CASQ2: variants seen among roughly 807,000 people sequenced by gnomAD.
CASQ2 encodes calsequestrin-2.
Under a neutral mutation model 46.5 loss-of-function variants are expected in CASQ2, and 49 were observed. The ratio of observed to expected loss-of-function variants is 1.05; its 90% CI spans 0.84 to 1.34. The LOEUF (loss-of-function observed/expected upper bound fraction) is 1.34. Among genes scored for constraint, CASQ2 ranks in the 40% most tolerant of loss-of-function variants. CASQ2 has a pLI of 0.00. For missense variants in CASQ2, 486 were observed against 481.3 expected (o/e 1.01, Z -0.09); for synonymous variants, 174 against 168.5 (o/e 1.03, Z -0.25).
intron 4 of CASQ2, among the ~76,000 whole-genome samples, chr1:115,735,055 A>G (rs1647911296): frequency 6.6e-6 from 1 of 152,264 alleles, no homozygotes; most frequent in Non-Finnish European, 1.5e-5. Context: ...GTCCAAGTTC[A>G]TGTACTGATA....
At chr1:115,706,279 G>A (rs894407772) in intron 8 of CASQ2, among the ~76,000 whole-genome samples, 4 of 152,134 alleles carry the variant, frequency 2.6e-5, no homozygotes, top group Non-Finnish European at 4.4e-5. Context: ...TTGTTTCAGG[G>A]AATCCCAGAG....
intron 1 of CASQ2, among the ~76,000 whole-genome samples, chr1:115,746,719 A>T (rs1458946336): frequency 6.6e-6 from 1 of 152,110 alleles, no homozygotes; most frequent in Admixed American, 6.5e-5. Flanking sequence ...TTTAAATACC[A>T]GTCCTTTTTC....
At chr1:115,743,628 G>C (rs932419222) in intron 2 of CASQ2, among the ~76,000 whole-genome samples, 1 of 151,134 alleles carries the variant, frequency 6.6e-6, no homozygotes, top group Non-Finnish European at 1.5e-5. Context: ...ACAGTTGTCT[G>C]TAATTTTCCA....
intron 1 of CASQ2, among the ~76,000 whole-genome samples, chr1:115,745,915 T>C (rs1442032155): frequency 6.6e-6 from 1 of 152,198 alleles, no homozygotes; most frequent in Non-Finnish European, 1.5e-5. Flanking sequence ...ACAGTTAAGA[T>C]ACAGAACATT....
rs1320489929 is a variant in CASQ2 at position 115,738,449 on chromosome 1, A to C, written c.421-114T>G. 6.5e-6 allele frequency: 5 copies of C among 770,302 alleles called. No individual in the cohort carries two copies. In the East Asian group the frequency reaches 9.8e-5, roughly 15 times the overall value. 47.7% of individuals were successfully genotyped at this position (770,302 alleles called of 1,614,324 possible). Reference sequence around the variant, plus strand: ...GCGGACTTTGTGGTTGGTGCCTCAAATATCTATTCCATTCTCCCCACAATC... The same window carrying C: ...GCGGACTTTGTGGTTGGTGCCTCAACTATCTATTCCATTCTCCCCACAATC... On this transcript the variant is annotated intron_variant, in intron 3 of 10. Transcript: ENST00000261448.
chr1:115,731,657 T>C (rs973066970), intron 5 of CASQ2, among the ~76,000 whole-genome samples: 4 of 152,250 alleles, frequency 2.6e-5, no homozygotes, highest in African/African-American at 9.6e-5. Flanking sequence ...GGACAGAGCA[T>C]TGACTTTGAA....
rs184083595 is a variant in CASQ2 at position 115,732,801 on chromosome 1, T to C, written c.606+100A>G. The C allele has an allele frequency of 4.3e-5, 35 of 822,614 alleles. No homozygotes were observed. In the African/African-American group the frequency reaches 5.8e-4, roughly 14 times the overall value. The allele number at this position is 822,614 out of a possible 1,614,324, so 51.0% of individuals were successfully genotyped here. ...TTCTAGAGAAAGAGGCAAGGGAGGA[T>C]GGTTAATGTTGCTAAAAGAAAAGAA... On this transcript the variant is annotated intron_variant, in intron 5 of 10. Coordinates refer to ENST00000261448, the MANE Select transcript of CASQ2 (RefSeq NM_001232.4).
In CASQ2 at chr1:115,743,875, G is replaced by T. The variant is rs145128079; in HGVS notation, c.319+953C>A. On this transcript the variant is annotated intron_variant, in intron 2 of 10. Transcript: ENST00000261448. The stretch of plus-strand genomic sequence containing the variant: ...GAGCGGGCCGGGAGCTATGGCTCAC[G>T]CCTGTAATCCCACCATTTTGGGAGG... Among the ~76,000 whole-genome samples the T allele has an allele frequency of 7.0e-3, 1,063 of 151,966 alleles. 7 individuals are homozygous for T. Among genetic ancestry groups the T allele is most frequent in the Non-Finnish European group, 0.012 (804 of 67,976 alleles).
Position 115,700,437 on chromosome 1 carries a change from C to G in CASQ2, c.*804G>C, listed in dbSNP as rs958695767. The G allele has an allele frequency of 6.5e-6, 1 of 152,800 alleles. No homozygotes were observed. The highest frequency in any genetic ancestry group is 6.5e-5 in the Admixed American group (1 of 15,330). 9.5% of individuals were successfully genotyped at this position (152,800 alleles called of 1,614,324 possible). ...CAGCTGACCCAATCAGAGACATGAA[C>G]CCATCAGAAAAATGTAAAAGTTTTC... On this transcript the variant is annotated 3_prime_UTR_variant, in exon 11 of 11. Coordinates refer to ENST00000261448, the MANE Select transcript of CASQ2 (RefSeq NM_001232.4).
At chr1:115,726,947 TCCCCAGACCCCAGGCCCCCA>T in intron 6 of CASQ2, 25 bp downstream of exon 6, 17 of 1,036,462 alleles carry the variant, frequency 1.6e-5, no homozygotes, top group Middle Eastern at 3.2e-4. Flanking sequence ...TCCTCTCCAT[TCCCCAGACCCCAGGCCCCCA>T]GCCCCCACAT....
intron 8 of CASQ2, among the ~76,000 whole-genome samples, chr1:115,716,611 T>G (rs1294580186): frequency 6.6e-6 from 1 of 152,180 alleles, no homozygotes; most frequent in Non-Finnish European, 1.5e-5. Context: ...CAGTGCCCAG[T>G]GTACCTTTCT....
chr1:115,710,286 G>C (rs1039601248), intron 8 of CASQ2, among the ~76,000 whole-genome samples: 1 of 152,160 alleles, frequency 6.6e-6, no homozygotes. Context: ...ATGGAGGTTA[G>C]GAAGATTTTA....
At chr1:115,754,641 C>A (rs1028752999) in intron 1 of CASQ2, among the ~76,000 whole-genome samples, 1 of 152,192 alleles carries the variant, frequency 6.6e-6, no homozygotes, top group Non-Finnish European at 1.5e-5. Context: ...TCAACCCTGA[C>A]ACTCTGGCTC....
At chr1:115,703,848 G>A (rs1313926142) in intron 9 of CASQ2, among the ~76,000 whole-genome samples, 1 of 151,730 alleles carries the variant, frequency 6.6e-6, no homozygotes, top group Non-Finnish European at 1.5e-5. Flanking sequence ...GGAGCTTAAG[G>A]CTGCAGTAAA....
intron 1 of CASQ2, among the ~76,000 whole-genome samples, chr1:115,758,060 A>G (rs945092282): frequency 1.3e-5 from 2 of 152,224 alleles, no homozygotes; most frequent in Non-Finnish European, 2.9e-5. Flanking sequence ...TCCAGAGTAC[A>G]AACTAAAGAC....
At chr1:115,758,726 T>C (rs532923784) in intron 1 of CASQ2, among the ~76,000 whole-genome samples, 4 of 152,318 alleles carry the variant, frequency 2.6e-5, no homozygotes, top group Admixed American at 2.6e-4. Context: ...CTTTTCTCTC[T>C]CTCTCGCTTC....
At chr1:115,751,042 C>A (rs927662839) in intron 1 of CASQ2, among the ~76,000 whole-genome samples, 1 of 152,186 alleles carries the variant, frequency 6.6e-6, no homozygotes, top group Non-Finnish European at 1.5e-5. Flanking sequence ...TGTCCACAAG[C>A]CTGTGCTGTG....
At chr1:115,767,104 T>C (rs761104135) in intron 1 of CASQ2, among the ~76,000 whole-genome samples, 12 of 152,110 alleles carry the variant, frequency 7.9e-5, no homozygotes, top group Non-Finnish European at 1.3e-4. Context: ...GATAACTGAG[T>C]ATGGCAGTTT....
chr1:115,731,142 C>CACTT (rs1276418442), intron 5 of CASQ2, among the ~76,000 whole-genome samples: 6 of 152,310 alleles, frequency 3.9e-5, no homozygotes, highest in African/African-American at 1.4e-4. Context: ...TGAACACTGG[C>CACTT]ACTTATGACT....
Sources: allele counts gnomAD v4.1 joint callset (sites outside exome capture counted in the v4.1 genomes callset), GRCh38; gene constraint gnomAD v4.1.1; transcripts MANE v1.5; gene names NCBI Gene and HGNC (gene_info 2026-07-23, HGNC 2026-07-21).